Variants in NPAS3 observed in about 807,000 individuals in gnomAD.
NPAS3 encodes the protein neuronal PAS domain-containing protein 3.
Under a neutral mutation model 73.1 loss-of-function variants are expected in NPAS3, and 14 were observed. That is an observed-to-expected ratio of 0.19 (90% CI 0.13 to 0.30). NPAS3 has a LOEUF of 0.30. Ranked by LOEUF, NPAS3 falls within the 10% of genes least tolerant of loss-of-function variation. The pLI is 1.00. For synonymous variants in NPAS3, 620 were observed against 541.5 expected (o/e 1.14, Z -2.01); for missense variants, 1,096 against 1,250.0 (o/e 0.88, Z 1.86).
At chr14:33,370,594 A>G (rs1297353982) in intron 4 of NPAS3, among the ~76,000 whole-genome samples, 1 of 152,118 alleles carries the variant, frequency 6.6e-6, no homozygotes, top group African/African-American at 2.4e-5. Flanking sequence ...AGTTTGGTTT[A>G]TTTCTGGAGT....
At position 33,320,336 on chromosome 14, in the gene NPAS3, G is replaced by A. The variant is rs578086825; in HGVS notation, c.386-46850G>A. Among the ~76,000 whole-genome samples the A allele has an allele frequency of 2.0e-5, 3 of 152,174 alleles. No homozygotes were observed. The South Asian group carries it at 6.2e-4, about 32-fold the overall frequency. ...AAACTTAGAATGTTTTTGATTTGGG[G>A]GAAGATCAGGGTTGTTCTTAGAAGG... is the stretch of plus-strand genomic sequence containing the variant. On this transcript the variant is annotated intron_variant, in intron 3 of 11. Transcript: ENST00000356141.
upstream of NPAS3, among the ~76,000 whole-genome samples, chr14:32,938,457 A>AAGAGAGAG (rs139406191): frequency 4.4e-5 from 3 of 68,668 alleles, no homozygotes; most frequent in African/African-American, 1.3e-4. Flanking sequence ...CCCAACGAGA[A>AAGAGAGAG]AGAGAGAGAG....
intron 3 of NPAS3, among the ~76,000 whole-genome samples, chr14:33,354,959 T>C (rs563683613): frequency 9.9e-5 from 15 of 152,156 alleles, no homozygotes; most frequent in Non-Finnish European, 2.1e-4. Context: ...TCAGGTGATA[T>C]AGCACACACA....
intron 7 of NPAS3, among the ~76,000 whole-genome samples, chr14:33,735,982 T>C (rs905530466): frequency 6.6e-6 from 1 of 152,148 alleles, no homozygotes; most frequent in African/African-American, 2.4e-5. Flanking sequence ...GAAATTCCAA[T>C]GTTTCAGTTA....
intron 3 of NPAS3, among the ~76,000 whole-genome samples, chr14:33,323,185 T>C (rs2043537322): frequency 6.6e-6 from 1 of 152,196 alleles, no homozygotes; most frequent in Non-Finnish European, 1.5e-5. Flanking sequence ...CAAAGGCCCC[T>C]CTGGGATAGC....
At chr14:33,536,943 T>C (rs1461831746) in intron 4 of NPAS3, among the ~76,000 whole-genome samples, 1 of 152,136 alleles carries the variant, frequency 6.6e-6, no homozygotes, top group African/African-American at 2.4e-5. Flanking sequence ...CAGTTACCCA[T>C]CTCTTTGAAA....
chr14:33,777,560 TA>T (rs5807745), intron 8 of NPAS3, among the ~76,000 whole-genome samples: 24,543 of 140,742 alleles, frequency 0.17, 2,096 homozygotes, highest in South Asian at 0.22. Flanking sequence ...CCGTAAGTCA[TA>T]AAAAAAAAAA....
At chr14:33,426,286 A>G (rs2048551811) in intron 4 of NPAS3, among the ~76,000 whole-genome samples, 1 of 152,098 alleles carries the variant, frequency 6.6e-6, no homozygotes, top group Non-Finnish European at 1.5e-5. Context: ...CAAGATTGTA[A>G]CTTCTCTTGC....
intron 3 of NPAS3, among the ~76,000 whole-genome samples, chr14:33,359,539 G>A (rs941483292): frequency 1.3e-5 from 2 of 152,130 alleles, no homozygotes; most frequent in Admixed American, 1.3e-4. Context: ...GGTCAGAGGA[G>A]GTGACAACAG....
chr14:33,630,358 G>C (rs919447426), intron 5 of NPAS3, among the ~76,000 whole-genome samples: 1 of 152,152 alleles, frequency 6.6e-6, no homozygotes, highest in South Asian at 2.1e-4. Context: ...GTTTAATCAG[G>C]ACTGGGATTT....
intron 2 of NPAS3, among the ~76,000 whole-genome samples, chr14:33,148,521 T>C (rs1315721250): frequency 6.6e-6 from 1 of 152,150 alleles, no homozygotes; most frequent in Admixed American, 6.5e-5. Flanking sequence ...GAATGTAAAA[T>C]GTCTCCTGAA....
chr14:33,408,695 T>C (rs1413577168), intron 4 of NPAS3, among the ~76,000 whole-genome samples: 1 of 152,164 alleles, frequency 6.6e-6, no homozygotes, highest in African/African-American at 2.4e-5. Context: ...CTGGGCACTG[T>C]CCCATACGAA....
At chr14:33,661,039 T>C (rs2059290736) in intron 5 of NPAS3, among the ~76,000 whole-genome samples, 1 of 149,546 alleles carries the variant, frequency 6.7e-6, no homozygotes, top group Non-Finnish European at 1.5e-5. Context: ...TGTTGTTAAA[T>C]GTGATGGCAA....
At chr14:33,139,535 A>T (rs2043966634) in intron 2 of NPAS3, among the ~76,000 whole-genome samples, 1 of 152,086 alleles carries the variant, frequency 6.6e-6, no homozygotes, top group African/African-American at 2.4e-5. Context: ...GTGGTTTCTT[A>T]AATTATTTTT....
At chr14:33,688,390 C>CT (rs928602321) in intron 6 of NPAS3, among the ~76,000 whole-genome samples, 2 of 151,962 alleles carry the variant, frequency 1.3e-5, no homozygotes, top group African/African-American at 2.4e-5. Flanking sequence ...CTGTGGGAAA[C>CT]TTTTTTTTAA....
intron 3 of NPAS3, among the ~76,000 whole-genome samples, chr14:33,356,554 C>T (rs1476144901): frequency 6.6e-6 from 1 of 152,166 alleles, no homozygotes; most frequent in Non-Finnish European, 1.5e-5. Context: ...ACTGGATCTC[C>T]TTGCATTCAT....
chr14:33,540,530 T>A (rs940965115), intron 4 of NPAS3, among the ~76,000 whole-genome samples: 2 of 152,218 alleles, frequency 1.3e-5, no homozygotes, highest in African/African-American at 4.8e-5. Context: ...TTTCCCTGTT[T>A]TATTAACTTA....
intron 3 of NPAS3, among the ~76,000 whole-genome samples, chr14:33,258,944 G>T (rs1346095719): frequency 1.3e-5 from 2 of 152,152 alleles, no homozygotes; most frequent in African/African-American, 4.8e-5. Context: ...CTCCCAAGTA[G>T]CTGGGACTAC....
intron 4 of NPAS3, among the ~76,000 whole-genome samples, chr14:33,514,899 A>G (rs2053226976): frequency 6.6e-6 from 1 of 152,102 alleles, no homozygotes; most frequent in African/African-American, 2.4e-5. Flanking sequence ...GAATAAATTA[A>G]GTGCCCAACA....
Sources: gnomAD v4.1 joint callset for allele counts (sites outside exome capture counted in the v4.1 genomes callset) on GRCh38, gnomAD v4.1.1 for gene constraint, MANE v1.5 for transcripts, NCBI Gene and HGNC (gene_info 2026-07-23, HGNC 2026-07-21) for gene names.